Variants in CFDP1 observed in about 807,000 individuals in gnomAD.
CFDP1 encodes the protein heterochromatin-stabilizing protein CFDP1.
A neutral mutation model predicts 40.1 loss-of-function variants in CFDP1; 31 were observed. The ratio of observed to expected loss-of-function variants is 0.77; its 90% confidence interval spans 0.58 to 1.04. The LOEUF (loss-of-function observed/expected upper bound fraction) is 1.04, where lower values mean the gene tolerates loss of function less well. Ranked by LOEUF, CFDP1 falls within the 50% of genes least tolerant of loss-of-function variation. The pLI, the probability that CFDP1 is intolerant of heterozygous loss-of-function variation, is 0.00. For missense variants in CFDP1, 423 were observed against 343.4 expected (o/e 1.23, Z -1.83); for synonymous variants, 167 against 120.0 (o/e 1.39, Z -2.56).
At chr16:75,332,548 T>C (rs1345366999) in intron 5 of CFDP1, among the ~76,000 whole-genome samples, 1 of 151,768 alleles carries the variant, frequency 6.6e-6, no homozygotes, top group Non-Finnish European at 1.5e-5. Flanking sequence ...TTGTTTGTGG[T>C]CCCAGCTACT....
chr16:75,379,430 A>G (rs1022267324), intron 5 of CFDP1, among the ~76,000 whole-genome samples: 9 of 152,186 alleles, frequency 5.9e-5, no homozygotes, highest in African/African-American at 2.2e-4. Flanking sequence ...ATAAGAGAAT[A>G]TTATGCAGAA....
chr16:75,327,423 A>C (rs1027075554), intron 5 of CFDP1, among the ~76,000 whole-genome samples: 1 of 152,156 alleles, frequency 6.6e-6, no homozygotes, highest in African/African-American at 2.4e-5. Context: ...AGGAGAATGG[A>C]AGGCCCCAGA....
intron 6 of CFDP1, among the ~76,000 whole-genome samples, chr16:75,301,418 T>A (rs2078220439): frequency 1.3e-5 from 2 of 152,070 alleles, no homozygotes; most frequent in Admixed American, 1.3e-4. Context: ...GGTGCCTGTA[T>A]AATTCTTCCC....
At chr16:75,385,964 A>G (rs528839963) in intron 5 of CFDP1, among the ~76,000 whole-genome samples, 4 of 152,306 alleles carry the variant, frequency 2.6e-5, no homozygotes, top group East Asian at 1.9e-4. Flanking sequence ...CACCTAAAGC[A>G]TTTAACTTGA....
chr16:75,305,286 C>T, intron 5 of CFDP1, 104 bp from the exon 6 acceptor site: 2 of 1,140,202 alleles, frequency 1.8e-6, no homozygotes, highest in Non-Finnish European at 2.5e-6. Flanking sequence ...GGCCATTTAT[C>T]TTAGTGGAAG....
chr16:75,413,686 A>G (rs1006429378), intron 2 of CFDP1, among the ~76,000 whole-genome samples: 1 of 151,898 alleles, frequency 6.6e-6, no homozygotes. Context: ...TCTTTTTCAT[A>G]AATGATAATC....
chr16:75,377,358 T>C (rs2078808905), intron 5 of CFDP1, among the ~76,000 whole-genome samples: 1 of 152,228 alleles, frequency 6.6e-6, no homozygotes, highest in Admixed American at 6.5e-5. Context: ...ATTAAAATGC[T>C]CTCCATCATT....
At chr16:75,426,589 T>C (rs2079345176) in intron 1 of CFDP1, among the ~76,000 whole-genome samples, 2 of 151,832 alleles carry the variant, frequency 1.3e-5, no homozygotes, top group South Asian at 4.2e-4. Context: ...GGCAGGAAAA[T>C]TGTTTGAGCC....
chr16:75,395,576 T>A (rs1334380848), intron 4 of CFDP1, among the ~76,000 whole-genome samples: 1 of 152,054 alleles, frequency 6.6e-6, no homozygotes, highest in Non-Finnish European at 1.5e-5. Flanking sequence ...GCAGAATCAC[T>A]TGAACCCGGG....
At chr16:75,362,351 G>C (rs1055173236) in intron 5 of CFDP1, among the ~76,000 whole-genome samples, 14 of 152,176 alleles carry the variant, frequency 9.2e-5, no homozygotes, top group African/African-American at 3.4e-4. Flanking sequence ...TGAAAGGCAA[G>C]GGGGGTCAAG....
chr16:75,332,035 T>C (rs952755384), intron 5 of CFDP1, among the ~76,000 whole-genome samples: 3 of 152,250 alleles, frequency 2.0e-5, no homozygotes, highest in Non-Finnish European at 2.9e-5. Context: ...TGAGATTTAC[T>C]ATGATTTTAA....
intron 2 of CFDP1, 88 bp from the exon 3 acceptor site, chr16:75,412,842 A>G (rs1024442811): frequency 7.0e-6 from 7 of 996,740 alleles, no homozygotes; most frequent in Non-Finnish European, 1.1e-5. Flanking sequence ...AATCTTATAA[A>G]CCCAAGAACA....
At chr16:75,303,787 C>G (rs971509293) in intron 6 of CFDP1, among the ~76,000 whole-genome samples, 2 of 152,166 alleles carry the variant, frequency 1.3e-5, no homozygotes, top group Non-Finnish European at 2.9e-5. Context: ...ATCATCACAA[C>G]CACATAGTGA....
At chr16:75,382,319 C>T (rs1166862468) in intron 5 of CFDP1, among the ~76,000 whole-genome samples, 2 of 152,160 alleles carry the variant, frequency 1.3e-5, no homozygotes, top group Non-Finnish European at 2.9e-5. Flanking sequence ...TAGTATCCCT[C>T]GAAAACACTG....
intron 5 of CFDP1, among the ~76,000 whole-genome samples, chr16:75,375,001 ATC>A (rs2078781337): frequency 1.3e-5 from 2 of 152,000 alleles, no homozygotes; most frequent in African/African-American, 4.8e-5. Flanking sequence ...TGTCTTCTAT[ATC>A]TCTGTGTTGC....
chr16:75,418,310 T>C (rs1313821252), intron 1 of CFDP1, among the ~76,000 whole-genome samples: 1 of 41,278 alleles, frequency 2.4e-5, no homozygotes, highest in Non-Finnish European at 8.5e-5. Flanking sequence ...CTAACCCTTT[T>C]TTTTTTTTTT....
rs370993276 is a variant in CFDP1 at position 75,377,024 on chromosome 16, T to A, written c.650+18066A>T. On this transcript the variant is annotated intron_variant, in intron 5 of 6. Coordinates refer to ENST00000283882, the MANE Select transcript of CFDP1 (RefSeq NM_006324.3). ...CTCTGCAGGAGCAGTCAAGGAGCTG[T>A]TAACACTGCCGCTTCAATAAAGCTG... 3.9e-4 allele frequency among the ~76,000 whole-genome samples: 60 copies of A among 152,346 alleles called. No individual in the cohort carries two copies. The East Asian group carries it at 5.6e-3, about 14-fold the overall frequency.
chr16:75,331,000 T>C (rs1487247902), intron 5 of CFDP1, among the ~76,000 whole-genome samples: 2 of 149,674 alleles, frequency 1.3e-5, no homozygotes, highest in Non-Finnish European at 3.0e-5. Context: ...AAGTGGGCCT[T>C]ATTCACCAGG....
At chr16:75,402,266 A>C (rs572860099) in intron 4 of CFDP1, among the ~76,000 whole-genome samples, 10 of 152,340 alleles carry the variant, frequency 6.6e-5, no homozygotes, top group African/African-American at 2.4e-4. Flanking sequence ...AGTTAATTCA[A>C]GTGTTCTCAA....
Sources: allele counts gnomAD v4.1 joint callset (sites outside exome capture counted in the v4.1 genomes callset), GRCh38; gene constraint gnomAD v4.1.1; transcripts MANE v1.5; gene names NCBI Gene and HGNC (gene_info 2026-07-23, HGNC 2026-07-21).